The following GRIN2A variants were observed in gnomAD, a reference collection of about 807,000 sequenced individuals.
GRIN2A encodes the protein glutamate receptor ionotropic, NMDA 2A.
In GRIN2A, 22 loss-of-function variants were observed where a neutral mutation model predicts 113.4. The ratio of observed to expected loss-of-function variants is 0.19; its 90% CI spans 0.14 to 0.28. The LOEUF is 0.28. Among genes scored for constraint, GRIN2A ranks in the 10% least tolerant of loss-of-function variants. The pLI, the probability that GRIN2A is intolerant of heterozygous loss-of-function variation, is 1.00. For missense variants in GRIN2A, 1,502 were observed against 1,887.0 expected (o/e 0.80, Z 3.78); for synonymous variants, 827 against 738.4 (o/e 1.12, Z -1.94).
intron 3 of GRIN2A, among the ~76,000 whole-genome samples, chr16:9,929,377 G>C (rs1044230423): frequency 2.6e-5 from 4 of 152,112 alleles, no homozygotes; most frequent in African/African-American, 9.7e-5. Flanking sequence ...CTTCTGTTTA[G>C]TAAAAGACAC....
chr16:10,147,447 T>C lies in GRIN2A; in HGVS notation c.414+32551A>G, dbSNP rs1283622765. On this transcript the variant is annotated intron_variant, in intron 2 of 12. Transcript: ENST00000330684. ...CAACATGGTGAAACACCGTCTCTAC[T>C]AAAAATACAAAAAAAAAAAAAAAAA... 4.8e-4 allele frequency among the ~76,000 whole-genome samples: 11 copies of C among 23,074 alleles called. No homozygotes were observed. The South Asian group carries it at 0.013, about 27-fold the overall frequency. 15.1% of individuals were successfully genotyped at this position (23,074 alleles called of 152,430 possible).
Position 9,764,801 on chromosome 16 carries a change from T to C in GRIN2A, c.2743A>G (p.Met915Val). 6.2e-7 allele frequency: 1 copy of C among 1,614,198 alleles called. No individual in the cohort carries two copies. Among genetic ancestry groups the C allele is most frequent in the Non-Finnish European group, 8.5e-7 (1 of 1,180,018 alleles). Residue 915 changes from methionine (M) to valine (V), a missense_variant, in exon 13 of 13, where the codon ATG (methionine) becomes GTG (valine). Physicochemically the swap from Met to Val is conservative, Grantham distance 21. Transcript: ENST00000330684. ...TCAGCAGCTCTTTTGGGTGAGTCCA[T>C]TCTTGAGGAGTTCATGTTGGACATG... is the stretch of plus-strand genomic sequence containing the variant. Reference protein sequence around the residue: ...SSMSNMNSSRMDSPKRAADFI... With the variant: ...SSMSNMNSSRVDSPKRAADFI...
chr16:10,004,195 C>A (rs1312725714), intron 2 of GRIN2A, among the ~76,000 whole-genome samples: 6 of 151,970 alleles, frequency 3.9e-5, no homozygotes, highest in Non-Finnish European at 5.9e-5. Context: ...TTGAGACCAG[C>A]CTGGCCAATA....
chr16:9,770,874 G>T (rs986196249), intron 11 of GRIN2A, among the ~76,000 whole-genome samples: 1 of 152,014 alleles, frequency 6.6e-6, no homozygotes, highest in Non-Finnish European at 1.5e-5. Context: ...CGCTCCCTTC[G>T]GTTTTCCCTG....
At chr16:9,793,426 G>A (rs1181217306) in intron 11 of GRIN2A, among the ~76,000 whole-genome samples, 1 of 152,040 alleles carries the variant, frequency 6.6e-6, no homozygotes, top group Non-Finnish European at 1.5e-5. Context: ...TGAGATAGAT[G>A]GGACTTATGG....
At chr16:9,929,357 TTCC>T (rs1291180404) in intron 3 of GRIN2A, among the ~76,000 whole-genome samples, 18 of 152,224 alleles carry the variant, frequency 1.2e-4, no homozygotes, top group African/African-American at 4.3e-4. Flanking sequence ...CAACATTTCT[TTCC>T]TCATTTCTTC....
At chr16:9,895,036 T>G (rs985570037) in intron 3 of GRIN2A, among the ~76,000 whole-genome samples, 3 of 152,180 alleles carry the variant, frequency 2.0e-5, no homozygotes, top group African/African-American at 7.2e-5. Context: ...GCATCTCCTA[T>G]GTATCACACC....
At chr16:10,023,780 A>C (rs536326196) in intron 2 of GRIN2A, among the ~76,000 whole-genome samples, 2 of 152,338 alleles carry the variant, frequency 1.3e-5, no homozygotes, top group Middle Eastern at 3.4e-3. Context: ...CTGGACTTCC[A>C]AAGAGTTTTG....
At chr16:10,079,422 G>T (rs2047937901) in intron 2 of GRIN2A, among the ~76,000 whole-genome samples, 1 of 152,128 alleles carries the variant, frequency 6.6e-6, no homozygotes, top group Non-Finnish European at 1.5e-5. Flanking sequence ...AAGCCCATGG[G>T]GTAGGCACTA....
intron 2 of GRIN2A, among the ~76,000 whole-genome samples, chr16:10,097,101 C>G (rs184222229): frequency 6.6e-6 from 1 of 152,276 alleles, no homozygotes; most frequent in East Asian, 1.9e-4. Context: ...AAACACCCTA[C>G]AACACTCGCT....
At chr16:10,000,541 T>G (rs2046301652) in intron 2 of GRIN2A, among the ~76,000 whole-genome samples, 1 of 151,996 alleles carries the variant, frequency 6.6e-6, no homozygotes. Flanking sequence ...TCTAAAGCAC[T>G]ATTAATAGTC....
chr16:10,153,141 G>A (rs1014978173), intron 2 of GRIN2A, among the ~76,000 whole-genome samples: 2 of 152,160 alleles, frequency 1.3e-5, no homozygotes, highest in African/African-American at 2.4e-5. Context: ...AATTAATATT[G>A]TTACAAGTTG....
chr16:9,884,534 G>A (rs992957555), intron 4 of GRIN2A, among the ~76,000 whole-genome samples: 1 of 152,064 alleles, frequency 6.6e-6, no homozygotes, highest in Non-Finnish European at 1.5e-5. Flanking sequence ...GGGTGACAGT[G>A]TGAGATTCTG....
chr16:9,777,339 C>G (rs2267777), intron 11 of GRIN2A, among the ~76,000 whole-genome samples: 33,395 of 152,118 alleles, frequency 0.22, 4,173 homozygotes, highest in East Asian at 0.53. Flanking sequence ...TATTCTGGAG[C>G]CTGTGACCTC....
chr16:10,179,184 G>C (rs939521790), intron 2 of GRIN2A, among the ~76,000 whole-genome samples: 1 of 152,054 alleles, frequency 6.6e-6, no homozygotes, highest in African/African-American at 2.4e-5. Flanking sequence ...AGAGCCAACT[G>C]ATTTTTGTAC....
At chr16:9,846,137 T>C (rs1014358611) in intron 5 of GRIN2A, among the ~76,000 whole-genome samples, 4 of 152,210 alleles carry the variant, frequency 2.6e-5, no homozygotes, top group African/African-American at 9.6e-5. Context: ...CACACAATTA[T>C]GAATCATGAT....
chr16:10,015,191 C>T (rs544517142), intron 2 of GRIN2A, among the ~76,000 whole-genome samples: 49 of 121,610 alleles, frequency 4.0e-4, no homozygotes, highest in South Asian at 8.5e-4. Context: ...AGGCGGAGGT[C>T]GCAGTGAGCT....
intron 4 of GRIN2A, among the ~76,000 whole-genome samples, chr16:9,859,716 C>A (rs897586129): frequency 1.3e-5 from 2 of 151,814 alleles, no homozygotes; most frequent in African/African-American, 2.4e-5. Flanking sequence ...CACTTTCCTG[C>A]CTATGCCTAC....
intron 3 of GRIN2A, among the ~76,000 whole-genome samples, chr16:9,926,127 T>A (rs754931026): frequency 6.6e-6 from 1 of 152,176 alleles, no homozygotes; most frequent in Non-Finnish European, 1.5e-5. Flanking sequence ...CAAGGGGAAC[T>A]CTCCTTGGGT....
Sources: gnomAD v4.1 joint callset for allele counts (sites outside exome capture counted in the v4.1 genomes callset) on GRCh38, gnomAD v4.1.1 for gene constraint, MANE v1.5 for transcripts, NCBI Gene and HGNC (gene_info 2026-07-23, HGNC 2026-07-21) for gene names.